The following GRM8 variants were observed in gnomAD, a reference collection of about 807,000 sequenced individuals.
GRM8 encodes the protein metabotropic glutamate receptor 8.
GRM8 carries 47 observed loss-of-function variants against 87.2 expected under a neutral mutation model. The observed-to-expected ratio is 0.54, with a 90% confidence interval of 0.43 to 0.69. GRM8 has a LOEUF of 0.69. Among genes scored for constraint, GRM8 ranks in the 30% least tolerant of loss-of-function variants. The probability of loss-of-function intolerance (pLI) is 0.00; values close to 1 mark genes in which losing one functional copy is unlikely to be tolerated. For synonymous variants in GRM8, 396 were observed against 404.5 expected (o/e 0.98, Z 0.25); for missense variants, 1,019 against 1,139.2 (o/e 0.89, Z 1.52).
At chr7:126,839,273 C>T (rs1489281126) in intron 6 of GRM8, among the ~76,000 whole-genome samples, 1 of 152,172 alleles carries the variant, frequency 6.6e-6, no homozygotes. Context: ...GGAATAGCAG[C>T]TACAACATCA....
At chr7:126,922,713 G>A (rs1185953222) in intron 3 of GRM8, among the ~76,000 whole-genome samples, 1 of 152,120 alleles carries the variant, frequency 6.6e-6, no homozygotes, top group Non-Finnish European at 1.5e-5. Context: ...AATGCTGGAG[G>A]TGGGGCCTGG....
chr7:126,735,410 T>C (rs915701848), intron 7 of GRM8, among the ~76,000 whole-genome samples: 4 of 152,088 alleles, frequency 2.6e-5, no homozygotes, highest in African/African-American at 9.6e-5. Context: ...TCACCACTGA[T>C]GTATATAAAG....
At chr7:127,060,930 A>G (rs917447075) in intron 3 of GRM8, among the ~76,000 whole-genome samples, 4 of 152,174 alleles carry the variant, frequency 2.6e-5, no homozygotes, top group African/African-American at 9.7e-5. Context: ...TGCTTTTTCA[A>G]ATAGGGACAC....
At chr7:126,748,397 A>G (rs1178634604) in intron 7 of GRM8, among the ~76,000 whole-genome samples, 1 of 152,098 alleles carries the variant, frequency 6.6e-6, no homozygotes. Context: ...TCACAAGACC[A>G]TCAAAAATAT....
At chr7:126,968,768 G>A (rs935876459) in intron 3 of GRM8, among the ~76,000 whole-genome samples, 2 of 152,194 alleles carry the variant, frequency 1.3e-5, no homozygotes, top group African/African-American at 2.4e-5. Flanking sequence ...ATTTGCATTG[G>A]TCTTATAAAT....
intron 3 of GRM8, among the ~76,000 whole-genome samples, chr7:126,946,283 C>T (rs1325387765): frequency 1.3e-5 from 2 of 152,214 alleles, no homozygotes; most frequent in Non-Finnish European, 2.9e-5. Flanking sequence ...AGGAGGTTCA[C>T]TTGAGTCCAG....
chr7:127,099,532 C>T (rs931725723), intron 3 of GRM8, among the ~76,000 whole-genome samples: 5 of 152,160 alleles, frequency 3.3e-5, no homozygotes, highest in African/African-American at 1.2e-4. Context: ...CCATCACTTA[C>T]CCCAGTCTGG....
chr7:126,749,141 C>A (rs1007351639), intron 7 of GRM8, among the ~76,000 whole-genome samples: 1 of 151,868 alleles, frequency 6.6e-6, no homozygotes, highest in South Asian at 2.1e-4. Context: ...AGCCAGACAT[C>A]CTGGTGCCTG....
At chr7:127,108,733 G>T (rs1826053067) in intron 2 of GRM8, among the ~76,000 whole-genome samples, 1 of 152,092 alleles carries the variant, frequency 6.6e-6, no homozygotes, top group Admixed American at 6.6e-5. Flanking sequence ...CTCATGTTTA[G>T]GATTAATTAA....
intron 7 of GRM8, among the ~76,000 whole-genome samples, chr7:126,743,525 G>A (rs371528729): frequency 3.2e-4 from 49 of 152,028 alleles, no homozygotes; most frequent in African/African-American, 1.1e-3. Context: ...CACCTGGAGC[G>A]AAAATGGAAC....
At chr7:126,957,180 TCA>T in intron 3 of GRM8, among the ~76,000 whole-genome samples, 1 of 151,970 alleles carries the variant, frequency 6.6e-6, no homozygotes, top group Middle Eastern at 3.4e-3. Flanking sequence ...AAGATCTCAA[TCA>T]CAGAGTTAAA....
At chr7:126,498,849 T>A (rs73447016) in intron 9 of GRM8, among the ~76,000 whole-genome samples, 3,840 of 152,088 alleles carry the variant, frequency 0.025, 146 homozygotes, top group African/African-American at 0.084. Flanking sequence ...ATTACGTATT[T>A]ATCTTGCATT....
rs575226031 is a variant in GRM8, at chr7:126,822,195, T to C, written c.1157-52130A>G. On this transcript the variant is annotated intron_variant, in intron 6 of 10. Coordinates refer to ENST00000339582, the MANE Select transcript of GRM8 (RefSeq NM_000845.3). ...CATTTCATTTCCTCTTGCTTCTCAA[T>C]CTACTGTTCACTGGCCTCAGTCTCC... 1.6e-4 allele frequency among the ~76,000 whole-genome samples: 24 copies of C among 152,282 alleles called. No individual in the cohort carries two copies. The South Asian group carries it at 3.7e-3, about 24-fold the overall frequency.
At chr7:126,708,709 A>G (rs1047922048) in intron 7 of GRM8, among the ~76,000 whole-genome samples, 1 of 151,666 alleles carries the variant, frequency 6.6e-6, no homozygotes, top group African/African-American at 2.4e-5. Flanking sequence ...AGGCAGGCAC[A>G]AAAAAAATAC....
intron 7 of GRM8, among the ~76,000 whole-genome samples, chr7:126,751,632 G>T (rs1157355642): frequency 6.6e-6 from 1 of 152,120 alleles, no homozygotes; most frequent in Non-Finnish European, 1.5e-5. Context: ...CACAAAAGAG[G>T]CAAAGGAAGG....
chr7:126,517,245 A>C (rs906182254), intron 9 of GRM8, among the ~76,000 whole-genome samples: 1 of 152,084 alleles, frequency 6.6e-6, no homozygotes, highest in African/African-American at 2.4e-5. Flanking sequence ...CATCAGCAAA[A>C]AAGTAGGGAC....
intron 2 of GRM8, among the ~76,000 whole-genome samples, chr7:127,152,677 T>A (rs762452806): frequency 4.5e-4 from 68 of 152,268 alleles, no homozygotes; most frequent in Non-Finnish European, 8.4e-4. Flanking sequence ...CAATTTGTTT[T>A]GAGCTCTCTT....
intron 7 of GRM8, among the ~76,000 whole-genome samples, chr7:126,714,816 A>C (rs2151435195): frequency 6.6e-6 from 1 of 152,130 alleles, no homozygotes; most frequent in South Asian, 2.1e-4. Context: ...ATTTTATATG[A>C]TATATATGTG....
intron 9 of GRM8, among the ~76,000 whole-genome samples, chr7:126,470,341 TC>T (rs1805029350): frequency 1.5e-5 from 1 of 67,088 alleles, no homozygotes; most frequent in Non-Finnish European, 2.7e-5. Context: ...CCCTCCCCCC[TC>T]CCCCCACCCC....
Sources: gnomAD v4.1 joint callset for allele counts (sites outside exome capture counted in the v4.1 genomes callset) on GRCh38, gnomAD v4.1.1 for gene constraint, MANE v1.5 for transcripts, NCBI Gene and HGNC (gene_info 2026-07-23, HGNC 2026-07-21) for gene names.